The following ALG9 variants were observed in gnomAD, a reference collection of about 807,000 sequenced individuals.
ALG9 encodes ALG9 alpha-1,2-mannosyltransferase, also known as alpha-1,2-mannosyltransferase ALG9.
ALG9 carries 55 observed loss-of-function variants against 81.8 expected under a neutral mutation model. That is an observed-to-expected ratio of 0.67 (90% CI 0.54 to 0.84). The LOEUF is 0.84. ALG9 is among the 40% of genes least tolerant of loss of function. The probability of loss-of-function intolerance (pLI) is 0.00; values close to 1 mark genes in which losing one functional copy is unlikely to be tolerated. For missense variants in ALG9, 629 were observed against 745.0 expected, an observed-to-expected ratio of 0.84 and a Z score of 1.81; for synonymous variants, 278 against 274.3, an observed-to-expected ratio of 1.01 and a Z score of -0.13.
At chr11:111,775,623 C>A in the ALG9 span, among the ~76,000 whole-genome samples, 1 of 152,172 alleles carries the variant, frequency 6.6e-6, no homozygotes, top group South Asian at 2.1e-4. Flanking sequence ...GCCTGTAGTC[C>A]CAGCTACTCA....
intron 13 of ALG9, among the ~76,000 whole-genome samples, chr11:111,827,510 T>C (rs1258879908): frequency 6.6e-6 from 1 of 151,968 alleles, no homozygotes; most frequent in African/African-American, 2.4e-5. Context: ...CAATAAAAAG[T>C]TGGATGAATG....
At position 111,783,984 on chromosome 11, in the gene ALG9, G is replaced by T. The variant is rs782579858; in HGVS notation, c.*2413C>A. 1 of 150,742 alleles carries T rather than the reference G, an allele frequency of 6.6e-6. No individual in the cohort carries two copies. The highest frequency in any genetic ancestry group is 1.5e-5 in the Non-Finnish European group (1 of 67,766). 9.3% of individuals were successfully genotyped at this position (150,742 alleles called of 1,614,324 possible). The stretch of plus-strand genomic sequence containing the variant: ...AAACAGCATTATACTACTTTGATTA[G>T]AAAAAAGCCATTCATCACAGATGGA... On this transcript the variant is annotated 3_prime_UTR_variant, in exon 15 of 15. Coordinates refer to ENST00000616540, the MANE Select transcript of ALG9 (RefSeq NM_024740.2).
chr11:111,782,093 T>C (rs1420916285), downstream of ALG9: 4 of 152,244 alleles, frequency 2.6e-5, no homozygotes, highest in South Asian at 2.1e-4. Context: ...CACTGAGGAA[T>C]AGGGCTGGAG....
chr11:111,807,501 C>T (rs1024009987), intron 14 of ALG9, among the ~76,000 whole-genome samples: 2 of 152,222 alleles, frequency 1.3e-5, no homozygotes, highest in East Asian at 1.9e-4. Flanking sequence ...ACTCTCAATG[C>T]TCCTCTTAAC....
At chr11:111,769,276 G>A in the ALG9 span, 373 of 128,864 alleles carry the variant, frequency 2.9e-3, 6 homozygotes, top group East Asian at 0.055. Context: ...ACACCACTGC[G>A]CTCCACCCTG....
intron 13 of ALG9, among the ~76,000 whole-genome samples, chr11:111,811,427 C>A (rs1449652852): frequency 2.0e-5 from 3 of 151,492 alleles, no homozygotes; most frequent in African/African-American, 4.9e-5. Flanking sequence ...CCTGTAATCC[C>A]AGCTACTTGG....
chr11:111,841,343 G>A (rs1478982506), intron 9 of ALG9, among the ~76,000 whole-genome samples: 2 of 152,146 alleles, frequency 1.3e-5, no homozygotes, highest in African/African-American at 2.4e-5. Context: ...CACAAATGAC[G>A]GAGTTTGTTT....
chr11:111,871,022 G>C (rs1374217374), intron 1 of ALG9: 15 of 1,064,238 alleles, frequency 1.4e-5, no homozygotes, highest in Non-Finnish European at 1.7e-5. Flanking sequence ...GAGAATAAAA[G>C]GAGCTGTGAG....
At chr11:111,839,598 A>C (rs1206047523) in intron 10 of ALG9, among the ~76,000 whole-genome samples, 1 of 130,754 alleles carries the variant, frequency 7.6e-6, no homozygotes, top group Non-Finnish European at 1.6e-5. Flanking sequence ...CAAAAAAAAA[A>C]AAAGGGGGGG....
At chr11:111,772,988 C>A in the ALG9 span, among the ~76,000 whole-genome samples, 1 of 151,970 alleles carries the variant, frequency 6.6e-6, no homozygotes, top group Non-Finnish European at 1.5e-5. Context: ...CCTGTAATCT[C>A]AGCACTCTGG....
At chr11:111,796,573 G>C (rs2136273374) in intron 14 of ALG9, among the ~76,000 whole-genome samples, 1 of 152,276 alleles carries the variant, frequency 6.6e-6, no homozygotes. Context: ...TTAAGCAGCT[G>C]AATAATGGCA....
downstream of ALG9, among the ~76,000 whole-genome samples, chr11:111,780,579 A>G (rs1945878211): frequency 6.6e-6 from 1 of 151,784 alleles, no homozygotes; most frequent in South Asian, 2.1e-4. Flanking sequence ...GTATTTTTGT[A>G]GAGATGGGGG....
intron 11 of ALG9, 70 bp downstream of exon 11, chr11:111,838,179 T>A: frequency 6.3e-7 from 1 of 1,580,504 alleles, no homozygotes; most frequent in Non-Finnish European, 8.7e-7. Context: ...TATTATATAA[T>A]CATGAATCAA....
At chr11:111,805,254 G>A (rs1318788943) in intron 14 of ALG9, 4 of 456,278 alleles carry the variant, frequency 8.8e-6, no homozygotes, top group South Asian at 6.2e-5. Flanking sequence ...CAGCCAGAAA[G>A]ATGGCCTTTA....
At chr11:111,788,490 T>G in intron 14 of ALG9, 1 of 453,550 alleles carries the variant, frequency 2.2e-6, no homozygotes, top group Non-Finnish European at 4.4e-6. Context: ...AGGCCTGTAA[T>G]CCCAATATTT....
chr11:111,814,108 T>C (rs964652794), intron 13 of ALG9, among the ~76,000 whole-genome samples: 3 of 152,300 alleles, frequency 2.0e-5, no homozygotes, highest in Admixed American at 6.5e-5. Context: ...GTAACCCAGA[T>C]TGGAAACAAA....
Position 111,837,492 on chromosome 11 carries a change from GGAAATC to G in ALG9, c.1442_1447del (p.Arg481_Phe482del). ...CTTGTCAGGAAGAAGGAAGCTGCTG[GGAAATC>G]GATACCACTCTTTTCCCACACAGAC... On this transcript the variant is annotated inframe_deletion, in exon 12 of 15. Coordinates refer to ENST00000616540, the MANE Select transcript of ALG9 (RefSeq NM_024740.2). The G allele has an allele frequency of 6.2e-7, 1 of 1,614,158 alleles. No homozygotes were observed. Among genetic ancestry groups the G allele is most frequent in the Non-Finnish European group, 8.5e-7 (1 of 1,180,034 alleles).
rs60312459 is a variant in ALG9, at chr11:111,870,382, CAAAAA to C, written c.132-17_132-13del. Reference sequence around the variant, plus strand: ...TGTTCCCAGATAACCTGTTCAAAAGCAAAAAAAAAAAAAAAAAAAAAAGCATGTCA... The same window carrying C: ...TGTTCCCAGATAACCTGTTCAAAAGCAAAAAAAAAAAAAAAAAGCATGTCA... On this transcript the variant is annotated splice_polypyrimidine_tract_variant and intron_variant, in intron 1 of 14. Coordinates refer to ENST00000616540, the MANE Select transcript of ALG9 (RefSeq NM_024740.2). 3,664 of 961,868 alleles carry C rather than the reference CAAAAA, an allele frequency of 3.8e-3. No individual in the cohort carries two copies. The highest frequency in any genetic ancestry group is 0.012 in the East Asian group (201 of 17,302). 59.6% of individuals were successfully genotyped at this position (961,868 alleles called of 1,614,324 possible).
At chr11:111,848,766 G>A (rs1957307232) in intron 8 of ALG9, among the ~76,000 whole-genome samples, 1 of 151,890 alleles carries the variant, frequency 6.6e-6, no homozygotes, top group South Asian at 2.1e-4. Context: ...CAATCTTTTT[G>A]CTTCAGCAGT....
Sources: gnomAD v4.1 joint callset for allele counts (sites outside exome capture counted in the v4.1 genomes callset) on GRCh38, gnomAD v4.1.1 for gene constraint, MANE v1.5 for transcripts, NCBI Gene and HGNC (gene_info 2026-07-23, HGNC 2026-07-21) for gene names.